RSKR: variants seen among roughly 807,000 people sequenced by gnomAD.
RSKR encodes ribosomal protein S6 kinase related.
RSKR carries 44 observed loss-of-function variants against 56.8 expected under a neutral mutation model. That is an observed-to-expected ratio of 0.77 (90% CI 0.61 to 1.00). The LOEUF (loss-of-function observed/expected upper bound fraction) is 1.00. Among genes scored for constraint, RSKR ranks in the 50% least tolerant of loss-of-function variants. The probability of loss-of-function intolerance (pLI) is 0.00; values close to 1 mark genes in which losing one functional copy is unlikely to be tolerated. For synonymous variants in RSKR, 181 were observed against 188.0 expected, an observed-to-expected ratio of 0.96 and a Z score of 0.30; for missense variants, 510 against 506.9, an observed-to-expected ratio of 1.01 and a Z score of -0.06.
chr17:28,609,904 T>C lies in RSKR; in HGVS notation c.*574A>G, dbSNP rs1281216244. The C allele has an allele frequency of 3.3e-5, 5 of 151,962 alleles. No individual in the cohort carries two copies. Among genetic ancestry groups the C allele is most frequent in the Admixed American group, 2.6e-4 (4 of 15,240 alleles). The allele number at this position is 151,962 out of a possible 1,614,324, so 9.4% of individuals were successfully genotyped here. The stretch of plus-strand genomic sequence containing the variant: ...CTGTCTCTACTAAAAAATACAAAAA[T>C]TAGCTGGGCATAATGGTGTGCATTT... On this transcript the variant is annotated 3_prime_UTR_variant, in exon 12 of 12. Coordinates refer to ENST00000301037, the MANE Select transcript of RSKR (RefSeq NM_001174103.2).
Position 28,608,083 on chromosome 17 carries a change from A to G in RSKR, c.*2395T>C, listed in dbSNP as rs541521242. The G allele has an allele frequency of 6.6e-6, 1 of 152,352 alleles. No individual in the cohort carries two copies. Among genetic ancestry groups the G allele is most frequent in the Non-Finnish European group, 1.5e-5 (1 of 68,028 alleles). 9.4% of individuals were successfully genotyped at this position (152,352 alleles called of 1,614,324 possible). A position where few individuals can be genotyped will look rare whatever the true frequency, so the allele number is the denominator to read the frequency against. Reference sequence around the variant, plus strand: ...TAGAAAAATGAGAATAAGGAAAATAAAAGTAGAAAAGGAAGACAGAACCAA... The same window carrying G: ...TAGAAAAATGAGAATAAGGAAAATAGAAGTAGAAAAGGAAGACAGAACCAA... On this transcript the variant is annotated 3_prime_UTR_variant, in exon 12 of 12. Coordinates refer to ENST00000301037, the MANE Select transcript of RSKR (RefSeq NM_001174103.2).
chr17:28,613,653 G>A lies in RSKR; in HGVS notation c.111C>T (p.Gly37=), dbSNP rs751842010. ...CCAAACCTGTCCAGAGGCTCTTCCA[G>A]CCTCGGGCCCAGGGACCCCGGATGT... ...GGNIRGPWAR[G]WKSLWTGLGT... The change falls in exon 2 of 12, where the codon GGC becomes GGT. Residue 37 remains glycine, a synonymous_variant. Coordinates refer to ENST00000301037, the MANE Select transcript of RSKR (RefSeq NM_001174103.2). 1 of 1,614,070 alleles carries A rather than the reference G, an allele frequency of 6.2e-7. No homozygotes were observed. The highest frequency in any genetic ancestry group is 8.5e-7 in the Non-Finnish European group (1 of 1,180,008).
In RSKR at chr17:28,613,487, G is replaced by T. The variant is rs139264980; in HGVS notation, c.277C>A (p.Leu93Ile). 7.4e-6 allele frequency: 12 copies of T among 1,614,120 alleles called. No homozygotes were observed. The highest frequency in any genetic ancestry group is 6.6e-5 in the South Asian group (6 of 91,090). The change falls in exon 2 of 12, where the codon CTA becomes ATA. Residue 93 changes from leucine to isoleucine, a missense_variant. Physicochemically the swap from Leu to Ile is conservative, Grantham distance 5 (BLOSUM62 2). Transcript: ENST00000301037. ...WPVPQFINLFLPEFPIRPIRG... is the reference protein window; with the variant it reads ...WPVPQFINLFIPEFPIRPIRG... ...ATGGGCCTAATGGGAAACTCTGGTAGAAAGAGGTTGATGAACTGAGGCACT... is the reference window on the plus strand; with the variant it reads ...ATGGGCCTAATGGGAAACTCTGGTATAAAGAGGTTGATGAACTGAGGCACT...
Position 28,611,211 on chromosome 17 carries a change from T to C in RSKR, c.943A>G (p.Ser315Gly), listed in dbSNP as rs1281202177. The change falls in exon 11 of 12, where the codon AGT (serine) becomes GGT (glycine). Residue 315 changes from serine to glycine, a missense_variant. Transcript: ENST00000301037. ...ATCTCAGAGTCACTGTGGGTCACAC[T>C]TGCCAACATGGCCACATGATCTCTC... ...AERDHVAMLA[S>G]VTHSDSEIPA... 6.5e-7 allele frequency: 1 copy of C among 1,536,290 alleles called. No homozygotes were observed. The highest frequency in any genetic ancestry group is 8.7e-7 in the Non-Finnish European group (1 of 1,146,890).
In RSKR at chr17:28,613,604, CT is replaced by C; in HGVS notation, c.159del (p.Glu54AsnfsTer16). 6.2e-7 allele frequency: 1 copy of C among 1,614,184 alleles called. No homozygotes were observed. Among genetic ancestry groups the C allele is most frequent in the South Asian group, 1.1e-5 (1 of 91,078 alleles). On this transcript the variant is annotated frameshift_variant, in exon 2 of 12. Transcript: ENST00000301037. LOFTEE classifies it high-confidence loss of function. ...TGGTGCCCCCGTAGTTCCCAGAGTT[CT>C]TCCAGATCTGACCTGATGGTTCCCA... ...TGLGTIRSDL[E>X]ELWELRGHHY... is the part of the protein sequence containing the mutation.
chr17:28,611,950 G>A (rs2151530828), intron 7 of RSKR, 94 bp downstream of exon 7: 1 of 1,613,410 alleles, frequency 6.2e-7, no homozygotes, highest in Non-Finnish European at 8.5e-7. Context: ...GGGCCCCAAT[G>A]TCTACAGTTC....
chr17:28,610,329 G>C lies in RSKR; in HGVS notation c.*149C>G. On this transcript the variant is annotated 3_prime_UTR_variant, in exon 12 of 12. Transcript: ENST00000301037. Reference sequence around the variant, plus strand: ...GTGGCTGCCAGTAGCAGAATGTCCAGGTTGGAACTCTGGTCTAAAGCCTAG... The same window carrying C: ...GTGGCTGCCAGTAGCAGAATGTCCACGTTGGAACTCTGGTCTAAAGCCTAG... 1.4e-6 allele frequency: 1 copy of C among 704,086 alleles called. No individual in the cohort carries two copies. Among genetic ancestry groups the C allele is most frequent in the Admixed American group, 2.8e-5 (1 of 36,138 alleles). The allele number at this position is 704,086 out of a possible 1,614,324, so 43.6% of individuals were successfully genotyped here. A position where few individuals can be genotyped will look rare whatever the true frequency, so the allele number is the denominator to read the frequency against.
Position 28,613,276 on chromosome 17 carries a change from C to T in RSKR, c.394G>A (p.Val132Ile). 1 of 1,614,018 alleles carries T rather than the reference C, an allele frequency of 6.2e-7. No homozygotes were observed. Among genetic ancestry groups the T allele is most frequent in the Non-Finnish European group, 8.5e-7 (1 of 1,180,042 alleles). ...TACGCCCCTACCTTCACTGCAAATA[C>T]AGCTTTCTGGGTGCAATCTAGCACC... ...LKVLDCTQKAVFAVKVVPKVK... is the reference protein window; with the variant it reads ...LKVLDCTQKAIFAVKVVPKVK... The change falls in exon 3 of 12, where the codon GTA becomes ATA. Residue 132 changes from valine (V) to isoleucine (I), a missense_variant. Val to Ile is a conservative substitution (Grantham distance 29, BLOSUM62 3). Transcript: ENST00000301037.
In RSKR at chr17:28,612,206, C is replaced by A. The variant is rs184084347; in HGVS notation, c.652+56G>T. On this transcript the variant is annotated intron_variant, in intron 6 of 11. Transcript: ENST00000301037. ...ATTATTAATATTAATTTTTTACTCT[C>A]CTTCTTCCGAACTTAAATCTTCCCT... is the stretch of plus-strand genomic sequence containing the variant. 302 of 1,597,804 alleles carry A rather than the reference C, an allele frequency of 1.9e-4. 1 individual carries two copies. The East Asian group carries it at 6.4e-3, about 34-fold the overall frequency.
At chr17:28,613,801 G>T (rs939081746) in intron 1 of RSKR, 113 bp from the exon 2 acceptor site, 32 of 1,445,804 alleles carry the variant, frequency 2.2e-5, no homozygotes, top group Non-Finnish European at 2.8e-5. Flanking sequence ...GTACATTTTT[G>T]AGCATGAGGC....
In RSKR at chr17:28,613,475, G is replaced by A. The variant is rs1277966267; in HGVS notation, c.289C>T (p.Pro97Ser). The change falls in exon 2 of 12, where the codon CCC (proline) becomes TCC (serine). Residue 97 changes from proline to serine, a missense_variant. Physicochemically the swap from Pro to Ser is moderately conservative, Grantham distance 74. Coordinates refer to ENST00000301037, the MANE Select transcript of RSKR (RefSeq NM_001174103.2). ...TGCTGCCCCCTAATGGGCCTAATGG[G>A]AAACTCTGGTAGAAAGAGGTTGATG... ...QFINLFLPEF[P>S]IRPIRGQQQL... 6.2e-7 allele frequency: 1 copy of A among 1,614,192 alleles called. No individual in the cohort carries two copies. Among genetic ancestry groups the A allele is most frequent in the Non-Finnish European group, 8.5e-7 (1 of 1,180,040 alleles).
rs1024947197 is a variant in RSKR at position 28,611,162 on chromosome 17, A to T, written c.992T>A (p.Leu331His). The stretch of plus-strand genomic sequence containing the variant: ...CCTTACCTCATGGAGCAGGAGTGAG[A>T]GGCCCTGGTTAAGAGAAGCTGGGAT... ...SEIPASLNQG[L>H]SLLLHELLCQ... The change falls in exon 11 of 12, where the codon CTC becomes CAC. Residue 331 changes from leucine to histidine, a missense_variant. By Grantham distance (99) the Leu-to-His change is moderately conservative. Transcript: ENST00000301037. 1 of 1,536,312 alleles carries T rather than the reference A, an allele frequency of 6.5e-7. No individual in the cohort carries two copies. The highest frequency in any genetic ancestry group is 8.7e-7 in the Non-Finnish European group (1 of 1,146,860).
chr17:28,613,733 T>C (rs766801962), intron 1 of RSKR, 45 bp from the exon 2 acceptor site: 3 of 1,607,646 alleles, frequency 1.9e-6, no homozygotes, highest in South Asian at 1.1e-5. Context: ...TCCTGAGGCA[T>C]AGCAGGTTCC....
Position 28,613,649 on chromosome 17 carries a change from TC to T in RSKR, c.114del (p.Trp38Ter). 6.2e-7 allele frequency: 1 copy of T among 1,614,126 alleles called. No individual in the cohort carries two copies. The highest frequency in any genetic ancestry group is 2.2e-5 in the East Asian group (1 of 44,868). ...GNIRGPWARGWKSLWTGLGTI... is the reference protein window; with the variant it reads ...GNIRGPWARGXKSLWTGLGTI... The stretch of plus-strand genomic sequence containing the variant: ...GTTCCCAAACCTGTCCAGAGGCTCT[TC>T]CAGCCTCGGGCCCAGGGACCCCGGA... On this transcript the variant is annotated frameshift_variant, in exon 2 of 12. Coordinates refer to ENST00000301037, the MANE Select transcript of RSKR (RefSeq NM_001174103.2). LOFTEE classifies it high-confidence loss of function.
At position 28,611,218 on chromosome 17, in the gene RSKR, C is replaced by T. The variant is rs896845944; in HGVS notation, c.936G>A (p.Met312Ile). 4 of 1,536,104 alleles carry T rather than the reference C, an allele frequency of 2.6e-6. No homozygotes were observed. Among genetic ancestry groups the T allele is most frequent in the Non-Finnish European group, 3.5e-6 (4 of 1,146,892 alleles). ...AGTCACTGTGGGTCACACTTGCCAA[C>T]ATGGCCACATGATCTCTCTCTGCAG... ...PVAAERDHVA[M>I]LASVTHSDSE... Residue 312 changes from methionine to isoleucine, a missense_variant, in exon 11 of 12, where the codon ATG (methionine) becomes ATA (isoleucine). By Grantham distance (10) the Met-to-Ile change is conservative. Transcript: ENST00000301037.
rs779371649 is a variant in RSKR at position 28,612,335 on chromosome 17, G to A, written c.579C>T (p.Ser193=). ...MCSYCSTDLY[S]LWSAVGCFPE... ...GAAAGCAGCCAACAGCCGACCAAAG[G>A]GAGTACAGATCTGTGCTGCAGTAGC... Residue 193 remains serine (S), a synonymous_variant, in exon 6 of 12, where the codon TCC becomes TCT. Coordinates refer to ENST00000301037, the MANE Select transcript of RSKR (RefSeq NM_001174103.2). The A allele has an allele frequency of 1.2e-6, 2 of 1,614,194 alleles. No individual in the cohort carries two copies. Among genetic ancestry groups the A allele is most frequent in the African/African-American group, 1.3e-5 (1 of 75,046 alleles).
At chr17:28,612,159 C>T in intron 6 of RSKR, 75 bp from the exon 7 acceptor site, 1 of 1,588,022 alleles carries the variant, frequency 6.3e-7, no homozygotes, top group Non-Finnish European at 8.6e-7. Context: ...TCATCCCATC[C>T]CTATCCTATT....
rs1197114075 is a variant in RSKR at position 28,608,385 on chromosome 17, TCA to T, written c.*2091_*2092del. ...TTTATTTTTTTCCTGAGACAAGATC[TCA>T]CTCTGTTGCTCAGGCTGGATGCAGT... is the stretch of plus-strand genomic sequence containing the variant. On this transcript the variant is annotated 3_prime_UTR_variant, in exon 12 of 12. Transcript: ENST00000301037. 5.9e-5 allele frequency: 9 copies of T among 152,316 alleles called. No individual in the cohort carries two copies. The East Asian group carries it at 1.7e-3, about 29-fold the overall frequency. 9.4% of individuals were successfully genotyped at this position (152,316 alleles called of 1,614,324 possible).
intron 4 of RSKR, 119 bp from the exon 5 acceptor site, chr17:28,612,806 C>A: frequency 1.1e-6 from 1 of 935,122 alleles, no homozygotes; most frequent in African/African-American, 1.6e-5. Context: ...CCTCTCAGTT[C>A]AGAGGAACTC....
Sources: allele counts gnomAD v4.1 joint callset, GRCh38; gene constraint gnomAD v4.1.1; transcripts MANE v1.5; gene names NCBI Gene and HGNC (gene_info 2026-07-23, HGNC 2026-07-21).